Variants in FNIP1 observed in about 807,000 individuals in gnomAD.
FNIP1 encodes folliculin-interacting protein 1.
Under a neutral mutation model 124.5 loss-of-function variants are expected in FNIP1, and 40 were observed. That is an observed-to-expected ratio of 0.32 (90% CI 0.25 to 0.42). FNIP1 has a LOEUF of 0.42. Among genes scored for constraint, FNIP1 ranks in the 10% least tolerant of loss-of-function variants. The probability of loss-of-function intolerance (pLI) is 1.00; values close to 1 mark genes in which losing one functional copy is unlikely to be tolerated. For missense variants in FNIP1, 1,176 were observed against 1,403.7 expected, an observed-to-expected ratio of 0.84 and a Z score of 2.59; for synonymous variants, 472 against 470.6, an observed-to-expected ratio of 1.00 and a Z score of -0.04.
chr5:131,719,255 T>G, intron 4 of FNIP1, 62 bp downstream of exon 4: 1 of 1,464,986 alleles, frequency 6.8e-7, no homozygotes, highest in Admixed American at 2.0e-5. Context: ...TAAAATTCTC[T>G]CTAAAAAAAC....
intron 9 of FNIP1, among the ~76,000 whole-genome samples, chr5:131,705,254 C>G (rs1031733148): frequency 6.6e-6 from 1 of 151,372 alleles, no homozygotes; most frequent in African/African-American, 2.4e-5. Context: ...GTGGATCACT[C>G]GAGCCCAGAA....
At chr5:131,699,915 T>TTAAA (rs777446425) in intron 10 of FNIP1, among the ~76,000 whole-genome samples, 2 of 13,908 alleles carry the variant, frequency 1.4e-4, no homozygotes, top group South Asian at 3.7e-3. Context: ...TAAGACTGTT[T>TTAAA]CAAAAAAAAA....
At chr5:131,653,521 A>G (rs1029684570) in intron 15 of FNIP1, among the ~76,000 whole-genome samples, 11 of 152,054 alleles carry the variant, frequency 7.2e-5, no homozygotes, top group African/African-American at 2.4e-4. Context: ...CCTGGGCAAC[A>G]AGAGCGAAAT....
intron 2 of FNIP1, among the ~76,000 whole-genome samples, chr5:131,735,466 T>TATTTTTATATATAC (rs1350210269): frequency 6.7e-6 from 1 of 148,914 alleles, no homozygotes; most frequent in Non-Finnish European, 1.5e-5. Flanking sequence ...TTTATATATA[T>TATTTTTATATATAC]ACACACATAC....
rs1213226976 is a variant in FNIP1 at position 131,678,911 on chromosome 5, GATT to G, written c.1349+115_1349+117del. On this transcript the variant is annotated intron_variant, in intron 12 of 17. Transcript: ENST00000510461. ...TCATTTAATTATTTTTTAGAATTCTGATTATTAATTTTGATTAATAATATAAAA... is the reference window on the plus strand; with the variant it reads ...TCATTTAATTATTTTTTAGAATTCTGATTAATTTTGATTAATAATATAAAA... 159 of 689,480 alleles carry G rather than the reference GATT, an allele frequency of 2.3e-4. 1 individual carries two copies. Among genetic ancestry groups the G allele is most frequent in the East Asian group, 1.9e-3 (65 of 33,510 alleles). 42.7% of individuals were successfully genotyped at this position (689,480 alleles called of 1,614,324 possible). A position where few individuals can be genotyped will look rare whatever the true frequency, so the allele number is the denominator to read the frequency against.
intron 2 of FNIP1, among the ~76,000 whole-genome samples, chr5:131,742,838 T>G (rs1413598096): frequency 6.6e-6 from 1 of 152,152 alleles, no homozygotes; most frequent in African/African-American, 2.4e-5. Context: ...ATATGTACAG[T>G]AGTGTTCAAA....
chr5:131,694,229 C>T (rs1270338580), intron 11 of FNIP1, among the ~76,000 whole-genome samples: 1 of 152,058 alleles, frequency 6.6e-6, no homozygotes, highest in Non-Finnish European at 1.5e-5. Flanking sequence ...TGTATTTTTC[C>T]AACTGAGTTG....
At chr5:131,708,896 G>A (rs374618593) in intron 8 of FNIP1, among the ~76,000 whole-genome samples, 25 of 146,904 alleles carry the variant, frequency 1.7e-4, no homozygotes, top group Non-Finnish European at 2.7e-4. Context: ...ATAAGCAAAC[G>A]TGTTTTTTTT....
intron 11 of FNIP1, among the ~76,000 whole-genome samples, chr5:131,694,726 T>C (rs985581542): frequency 6.6e-6 from 1 of 152,176 alleles, no homozygotes; most frequent in Admixed American, 6.5e-5. Flanking sequence ...GAGTGAACTT[T>C]AATGTAAATT....
At chr5:131,674,066 G>T (rs1201754180) in intron 13 of FNIP1, among the ~76,000 whole-genome samples, 1 of 151,794 alleles carries the variant, frequency 6.6e-6, no homozygotes, top group Non-Finnish European at 1.5e-5. Flanking sequence ...AAAATAAAAA[G>T]AAATAAAATA....
At chr5:131,745,960 G>A (rs138998606) in intron 1 of FNIP1, among the ~76,000 whole-genome samples, 9 of 152,306 alleles carry the variant, frequency 5.9e-5, no homozygotes, top group African/African-American at 2.2e-4. Context: ...GAAAAGGGAC[G>A]TAACAGGTGA....
intron 11 of FNIP1, among the ~76,000 whole-genome samples, chr5:131,690,771 G>A (rs567470535): frequency 1.3e-5 from 2 of 152,162 alleles, no homozygotes; most frequent in African/African-American, 4.8e-5. Context: ...GAGATAAAGA[G>A]GGGCACTTCA....
intron 1 of FNIP1, among the ~76,000 whole-genome samples, chr5:131,766,356 C>A (rs1226524099): frequency 6.6e-6 from 1 of 151,992 alleles, no homozygotes; most frequent in African/African-American, 2.4e-5. Flanking sequence ...GTTTTTAAAG[C>A]CCTGCCCCTA....
chr5:131,677,793 G>A lies in FNIP1; in HGVS notation c.1429C>T (p.Pro477Ser), dbSNP rs1767954279. 4 of 1,613,966 alleles carry A rather than the reference G, an allele frequency of 2.5e-6. No homozygotes were observed. The highest frequency in any genetic ancestry group is 1.1e-5 in the South Asian group (1 of 91,086). ...VPTVMPNGQP[P>S]IKIFLEKHSS... is the part of the protein sequence containing the mutation. ...TGCTTTTCTAAAAATATTTTTATAGGTGGTTGTCCATTTGGCATGACTGTT... is the reference window on the plus strand; with the variant it reads ...TGCTTTTCTAAAAATATTTTTATAGATGGTTGTCCATTTGGCATGACTGTT... Residue 477 changes from proline to serine, a missense_variant, in exon 13 of 18, where the codon CCT (proline) becomes TCT (serine). Physicochemically the swap from Pro to Ser is moderately conservative, Grantham distance 74. Around this residue, in one of 2 missense-constraint regions of FNIP1, gnomAD observed 1,109 missense variants for 1,288.5 expected, o/e 0.86. Coordinates refer to ENST00000510461, the MANE Select transcript of FNIP1 (RefSeq NM_133372.3).
Position 131,670,529 on chromosome 5 carries a change from A to G in FNIP1, c.3042T>C (p.Leu1014=), listed in dbSNP as rs200586218. 3 of 1,613,906 alleles carry G rather than the reference A, an allele frequency of 1.9e-6. No homozygotes were observed. In the East Asian group the frequency reaches 6.7e-5, roughly 36 times the overall value. ...ACCTCTCATCACTCCCAATTCCTTGAAGAACAAAGTCAGGCACATAAGATG... is the reference window on the plus strand; with the variant it reads ...ACCTCTCATCACTCCCAATTCCTTGGAGAACAAAGTCAGGCACATAAGATG... ...YCSSYVPDFV[L]QGIGSDERFR... is the part of the protein sequence containing the mutation. The change falls in exon 15 of 18, where the codon CTT becomes CTC. Residue 1014 remains leucine (L), a synonymous_variant. Transcript: ENST00000510461.
At chr5:131,649,771 AGTTTTAGCT>A (rs1325479609) in intron 16 of FNIP1, among the ~76,000 whole-genome samples, 1 of 152,168 alleles carries the variant, frequency 6.6e-6, no homozygotes, top group Non-Finnish European at 1.5e-5. Flanking sequence ...TAAGTTTTAT[AGTTTTAGCT>A]CTTAAATCTT....
chr5:131,748,947 T>G (rs1295269309), intron 1 of FNIP1, among the ~76,000 whole-genome samples: 1 of 152,094 alleles, frequency 6.6e-6, no homozygotes, highest in African/African-American at 2.4e-5. Flanking sequence ...GTGGTACTGA[T>G]AATCCTGACT....
intron 2 of FNIP1, among the ~76,000 whole-genome samples, chr5:131,740,834 A>C (rs1377778527): frequency 1.3e-5 from 2 of 152,120 alleles, no homozygotes; most frequent in Non-Finnish European, 2.9e-5. Flanking sequence ...GATGATGAAA[A>C]AGCCTGCAGT....
chr5:131,758,045 G>C (rs1771105814), intron 1 of FNIP1, among the ~76,000 whole-genome samples: 1 of 152,112 alleles, frequency 6.6e-6, no homozygotes, highest in African/African-American at 2.4e-5. Context: ...ATAGAAAGAA[G>C]TTGTGACATG....
Sources: gnomAD v4.1 joint callset for allele counts (sites outside exome capture counted in the v4.1 genomes callset) on GRCh38, gnomAD v4.1.1 for gene constraint, gnomAD v4.1.1 regional missense constraint, MANE v1.5 for transcripts, NCBI Gene and HGNC (gene_info 2026-07-23, HGNC 2026-07-21) for gene names.